Variants in DARS1 observed in about 807,000 individuals in gnomAD.
DARS1 encodes the protein aspartyl-tRNA synthetase 1, also known as aspartate--tRNA ligase, cytoplasmic.
A neutral mutation model predicts 68.8 loss-of-function variants in DARS1; 51 were observed. The ratio of observed to expected loss-of-function variants is 0.74; its 90% CI spans 0.59 to 0.94. The LOEUF (loss-of-function observed/expected upper bound fraction) is 0.94, where lower values mean the gene tolerates loss of function less well. DARS1 is among the 40% of genes least tolerant of loss of function. The probability of loss-of-function intolerance (pLI) is 0.00; values close to 1 mark genes in which losing one functional copy is unlikely to be tolerated. For missense variants in DARS1, 607 were observed against 597.3 expected (o/e 1.02, Z -0.17); for synonymous variants, 203 against 190.4 (o/e 1.07, Z -0.55).
chr2:135,981,111 A>G (rs1429464717), intron 2 of DARS1, among the ~76,000 whole-genome samples: 5 of 152,240 alleles, frequency 3.3e-5, no homozygotes, highest in African/African-American at 1.2e-4. Flanking sequence ...TGCAGAGGTA[A>G]AACCAAAGGC....
In DARS1 at chr2:135,979,307, C is replaced by G. The variant is rs750504528; in HGVS notation, c.184G>C (p.Val62Leu). ...CTGCTTGTATGAACTCTTGCACGTA[C>G]CCAAACAACTTCATCAGCTTTTTGT... is the stretch of plus-strand genomic sequence containing the variant. ...TIQKADEVVW[V>L]RARVHTSRAK... is the part of the protein sequence containing the mutation. The change falls in exon 3 of 16, where the codon GTA becomes CTA. Residue 62 changes from valine (V) to leucine (L), a missense_variant. Transcript: ENST00000264161. The G allele has an allele frequency of 2.0e-6, 3 of 1,508,876 alleles. No individual in the cohort carries two copies. The highest frequency in any genetic ancestry group is 2.3e-5 in the East Asian group (1 of 44,376). 93.5% of individuals were successfully genotyped at this position (1,508,876 alleles called of 1,614,324 possible).
chr2:135,957,675 C>T (rs561840624), intron 4 of DARS1, among the ~76,000 whole-genome samples: 3 of 152,034 alleles, frequency 2.0e-5, no homozygotes, highest in African/African-American at 4.8e-5. Context: ...CCAAAATAAG[C>T]GTGGTGAGAA....
In DARS1 at chr2:135,933,834, TAGTACATC is replaced by T; in HGVS notation, c.504+68_504+75del. On this transcript the variant is annotated intron_variant, in intron 6 of 15. Coordinates refer to ENST00000264161, the MANE Select transcript of DARS1 (RefSeq NM_001349.4). ...CTCAAAATCAATTCACAGACACCCTTAGTACATCAGGTTTTCAATGTTTTGCAAACTAA... is the reference window on the plus strand; with the variant it reads ...CTCAAAATCAATTCACAGACACCCTTAGGTTTTCAATGTTTTGCAAACTAA... The T allele has an allele frequency of 2.0e-6, 3 of 1,519,538 alleles. No homozygotes were observed. The East Asian group carries it at 7.4e-5, about 37-fold the overall frequency. The allele number at this position is 1,519,538 out of a possible 1,614,324, so 94.1% of individuals were successfully genotyped here. A position where few individuals can be genotyped will look rare whatever the true frequency, so the allele number is the denominator to read the frequency against.
intron 9 of DARS1, among the ~76,000 whole-genome samples, chr2:135,922,311 T>C (rs1003506064): frequency 2.6e-5 from 4 of 152,090 alleles, no homozygotes; most frequent in Non-Finnish European, 4.4e-5. Flanking sequence ...CAAAAACATA[T>C]ATTTCTTTGA....
chr2:135,967,113 T>G (rs1682253569), intron 3 of DARS1, among the ~76,000 whole-genome samples: 1 of 152,198 alleles, frequency 6.6e-6, no homozygotes, highest in African/African-American at 2.4e-5. Flanking sequence ...AATCCTATGT[T>G]TTCATCTCTT....
intron 5 of DARS1, among the ~76,000 whole-genome samples, chr2:135,942,752 T>C (rs958922813): frequency 2.6e-5 from 4 of 152,204 alleles, no homozygotes; most frequent in African/African-American, 9.7e-5. Flanking sequence ...TATTCACTTA[T>C]ATTGGTGAGT....
At chr2:135,943,140 G>A (rs2104819016) in intron 5 of DARS1, 2 of 423,878 alleles carry the variant, frequency 4.7e-6, no homozygotes, top group East Asian at 4.6e-5. Flanking sequence ...ATGTTGCATG[G>A]AGCAGATGAG....
intron 3 of DARS1, among the ~76,000 whole-genome samples, chr2:135,969,447 T>A (rs1682318635): frequency 6.6e-6 from 1 of 151,676 alleles, no homozygotes; most frequent in Non-Finnish European, 1.5e-5. Flanking sequence ...AAAAAGGGAG[T>A]ATCATTATTT....
chr2:135,942,324 A>C (rs567850206), intron 5 of DARS1, among the ~76,000 whole-genome samples: 1 of 152,292 alleles, frequency 6.6e-6, no homozygotes, highest in South Asian at 2.1e-4. Flanking sequence ...CTATGCAGCC[A>C]TAAAAAAGGA....
chr2:135,951,740 A>C (rs956595956), intron 4 of DARS1, among the ~76,000 whole-genome samples: 3 of 152,186 alleles, frequency 2.0e-5, no homozygotes, highest in African/African-American at 7.2e-5. Context: ...TATGAGCCAT[A>C]CCCATCCACA....
chr2:135,915,476 C>T (rs1029900352), intron 11 of DARS1, among the ~76,000 whole-genome samples: 2 of 151,996 alleles, frequency 1.3e-5, no homozygotes, highest in South Asian at 2.1e-4. Context: ...TTTGTACAGA[C>T]AGCATCTCTC....
chr2:135,968,246 A>G (rs1027694549), intron 3 of DARS1, among the ~76,000 whole-genome samples: 2 of 152,224 alleles, frequency 1.3e-5, no homozygotes, highest in Non-Finnish European at 1.5e-5. Flanking sequence ...CCTGGGCAAC[A>G]GAGCAAGACT....
At chr2:135,956,135 A>T (rs1002541758) in intron 4 of DARS1, among the ~76,000 whole-genome samples, 1 of 152,220 alleles carries the variant, frequency 6.6e-6, no homozygotes. Flanking sequence ...GCAAACAGTA[A>T]ACAATGTAAG....
chr2:135,940,439 G>C (rs1441913544), intron 5 of DARS1, among the ~76,000 whole-genome samples: 1 of 152,138 alleles, frequency 6.6e-6, no homozygotes, highest in African/African-American at 2.4e-5. Flanking sequence ...TGCAGAGAAG[G>C]CCTTTGACAA....
At chr2:135,913,688 G>A (rs528854995) in intron 12 of DARS1, among the ~76,000 whole-genome samples, 116 of 152,088 alleles carry the variant, frequency 7.6e-4, no homozygotes, top group African/African-American at 1.1e-3. Context: ...AACCCAGGGG[G>A]TGGAGGTTGT....
chr2:135,968,807 G>A lies in DARS1; in HGVS notation c.218-7309C>T, dbSNP rs558668829. On this transcript the variant is annotated intron_variant, in intron 3 of 15. Coordinates refer to ENST00000264161, the MANE Select transcript of DARS1 (RefSeq NM_001349.4). ...CTCCCAGGTAGCTGGGATTACAGGC[G>A]TGTGCCATGATGCCCGGCTATTTTT... 3.3e-5 allele frequency among the ~76,000 whole-genome samples: 5 copies of A among 152,084 alleles called. No individual in the cohort carries two copies. The East Asian group carries it at 5.8e-4, about 18-fold the overall frequency.
chr2:135,936,397 T>TA (rs1681474355), intron 5 of DARS1, among the ~76,000 whole-genome samples: 1 of 103,060 alleles, frequency 9.7e-6, no homozygotes, highest in African/African-American at 3.2e-5. Context: ...ACACATACAC[T>TA]TTTTTTTTTT....
chr2:135,973,193 T>C (rs1323156419), intron 3 of DARS1, among the ~76,000 whole-genome samples: 1 of 152,068 alleles, frequency 6.6e-6, no homozygotes, highest in Non-Finnish European at 1.5e-5. Flanking sequence ...AACAGATGAA[T>C]GGATAAAGAA....
rs201733718 is a variant in DARS1, at chr2:135,922,800, A to G, written c.795T>C (p.Val265=). The change falls in exon 9 of 16, where the codon GTT becomes GTC. Residue 265 remains valine, a synonymous_variant. Transcript: ENST00000264161. The stretch of plus-strand genomic sequence containing the variant: ...AAATCTTACCTGGTCCAATAGAGAA[A>G]ACCTTCTCAAAATCAGCACAAATGC... The part of the protein sequence containing the change: ...QMCICADFEK[V]FSIGPVFRAE... 5.1e-6 allele frequency: 8 copies of G among 1,569,762 alleles called. No homozygotes were observed. The highest frequency in any genetic ancestry group is 6.0e-6 in the Non-Finnish European group (7 of 1,162,124).
Sources: allele counts gnomAD v4.1 joint callset (sites outside exome capture counted in the v4.1 genomes callset), GRCh38; gene constraint gnomAD v4.1.1; transcripts MANE v1.5; gene names NCBI Gene and HGNC (gene_info 2026-07-23, HGNC 2026-07-21).